ACOT1: variants seen among roughly 807,000 people sequenced by gnomAD.
The protein encoded by ACOT1 is acyl-coenzyme A thioesterase 1.
In ACOT1, 8 loss-of-function variants were observed where a neutral mutation model predicts 15.7. The observed-to-expected ratio is 0.51, with a 90% CI of 0.30 to 0.92. The LOEUF (loss-of-function observed/expected upper bound fraction) is 0.92. Among genes scored for constraint, ACOT1 ranks in the 40% least tolerant of loss-of-function variants. The probability of loss-of-function intolerance (pLI) is 0.06; values close to 1 mark genes in which losing one functional copy is unlikely to be tolerated. For missense variants in ACOT1, 151 were observed against 539.4 expected (o/e 0.28, Z 7.13); for synonymous variants, 67 against 241.2 (o/e 0.28, Z 6.69).
At chr14:73,499,307 C>T in the ACOT1 span, among the ~76,000 whole-genome samples, 2 of 152,078 alleles carry the variant, frequency 1.3e-5, no homozygotes, top group Non-Finnish European at 2.9e-5. Flanking sequence ...ATGGTGAAAC[C>T]CTGTCTCTAC....
At chr14:73,522,629 A>C in the ACOT1 span, 9 of 1,614,176 alleles carry the variant, frequency 5.6e-6, no homozygotes, top group East Asian at 2.0e-4. Flanking sequence ...TGGCCGACCC[A>C]GCATATCTGG....
rs1214355680 is a variant in ACOT1, at chr14:73,537,805, C to T, written c.384C>T (p.Tyr128=). The change falls in exon 1 of 3, where the codon TAC becomes TAT. Residue 128 remains tyrosine, a synonymous_variant. Coordinates refer to ENST00000311148, the MANE Select transcript of ACOT1 (RefSeq NM_001037161.2). ...RLLCRVRHER[Y]FLPPGVRREP... ...TGTGCCGGGTGCGGCACGAGCGCTA[C>T]TTCCTCCCGCCCGGGGTGCGGCGCG... is the stretch of plus-strand genomic sequence containing the variant. 2 of 1,218,470 alleles carry T rather than the reference C, an allele frequency of 1.6e-6. 1 individual carries two copies. The highest frequency in any genetic ancestry group is 2.2e-6 in the Non-Finnish European group (2 of 927,052). 75.5% of individuals were successfully genotyped at this position (1,218,470 alleles called of 1,614,324 possible).
At chr14:73,508,276 C>G in the ACOT1 span, 1 of 1,613,840 alleles carries the variant, frequency 6.2e-7, no homozygotes, top group Admixed American at 1.7e-5. Context: ...AGCTGCAGCC[C>G]AGCTATCCAC....
chr14:73,516,815 C>T, the ACOT1 span, among the ~76,000 whole-genome samples: 1 of 152,178 alleles, frequency 6.6e-6, no homozygotes, highest in Non-Finnish European at 1.5e-5. Context: ...TGTGAGGGGT[C>T]TAGGCTGCGC....
chr14:73,492,629 G>A, the ACOT1 span: 6 of 1,613,918 alleles, frequency 3.7e-6, no homozygotes, highest in South Asian at 5.5e-5. The surrounding 1 kb of genome is among the most constrained non-coding windows in gnomAD (Gnocchi z 4.9). Context: ...ACCTGTAAAC[G>A]TGGGGGCCCA....
chr14:73,504,533 T>A, the ACOT1 span, among the ~76,000 whole-genome samples: 4 of 152,286 alleles, frequency 2.6e-5, no homozygotes, highest in East Asian at 3.9e-4. Flanking sequence ...CGAGCCACTG[T>A]GCCCGGCCGA....
At chr14:73,515,584 G>A in the ACOT1 span, among the ~76,000 whole-genome samples, 1 of 140,876 alleles carries the variant, frequency 7.1e-6, no homozygotes, top group Admixed American at 8.1e-5. Context: ...GGATGCTGAA[G>A]CAGAAGAATC....
chr14:73,508,039 C>G, the ACOT1 span: 1 of 1,215,682 alleles, frequency 8.2e-7, no homozygotes, highest in Non-Finnish European at 1.2e-6. Flanking sequence ...AGCCACTGCC[C>G]CGGCCCCAGC....
chr14:73,517,885 A>G, the ACOT1 span, among the ~76,000 whole-genome samples: 3 of 151,408 alleles, frequency 2.0e-5, no homozygotes, highest in Admixed American at 6.6e-5. Context: ...TCAAGAGATC[A>G]AGACCATCCT....
At chr14:73,513,953 A>G in the ACOT1 span, 2 of 1,441,036 alleles carry the variant, frequency 1.4e-6, no homozygotes, top group Non-Finnish European at 1.9e-6. Context: ...TGGATTTTTC[A>G]AAGACTGAGA....
intron 2 of ACOT1, among the ~76,000 whole-genome samples, chr14:73,542,424 A>T (rs1889118755): frequency 1.1e-5 from 1 of 94,324 alleles, no homozygotes; most frequent in Non-Finnish European, 2.1e-5. Context: ...TTTTTTTTTA[A>T]GACGGAGTCT....
the ACOT1 span, chr14:73,493,369 A>G: frequency 1.4e-5 from 6 of 437,742 alleles, no homozygotes; most frequent in African/African-American, 1.0e-4. Context: ...AACCTTAGAA[A>G]AGTTATTAAA....
At chr14:73,524,362 T>C in the ACOT1 span, among the ~76,000 whole-genome samples, 1 of 142,586 alleles carries the variant, frequency 7.0e-6, no homozygotes, top group South Asian at 2.2e-4. Context: ...TTTTATCAAA[T>C]AGGTAAATGG....
At chr14:73,518,437 A>G in the ACOT1 span, among the ~76,000 whole-genome samples, 1 of 151,810 alleles carries the variant, frequency 6.6e-6, no homozygotes, top group Non-Finnish European at 1.5e-5. Context: ...GGAATGGGTG[A>G]CAACTGCTGT....
At chr14:73,498,987 T>G in the ACOT1 span, 3 of 1,128,222 alleles carry the variant, frequency 2.7e-6, no homozygotes, top group Non-Finnish European at 1.4e-6. Flanking sequence ...CTTCACCCCA[T>G]TAGAGAGTTT....
chr14:73,491,071 C>T, the ACOT1 span: 3 of 1,595,396 alleles, frequency 1.9e-6, no homozygotes, highest in Middle Eastern at 1.7e-4. Context: ...GGCCGAAGCG[C>T]CGGCGCAAGC....
At chr14:73,493,140 A>G in the ACOT1 span, 1 of 1,611,100 alleles carries the variant, frequency 6.2e-7, no homozygotes, top group East Asian at 2.2e-5. Flanking sequence ...TACAAAAGGA[A>G]AAGGAGAAGT....
the ACOT1 span, among the ~76,000 whole-genome samples, chr14:73,506,265 A>T: frequency 6.6e-6 from 1 of 152,150 alleles, no homozygotes; most frequent in African/African-American, 2.4e-5. Context: ...TTTATGGACC[A>T]CCAGTGCACT....
the ACOT1 span, among the ~76,000 whole-genome samples, chr14:73,524,662 C>T: frequency 4.7e-5 from 7 of 149,728 alleles, no homozygotes; most frequent in South Asian, 1.5e-3. Flanking sequence ...GGTTTCAAAT[C>T]TAGCCTACTA....
Sources: gnomAD v4.1 joint callset for allele counts (sites outside exome capture counted in the v4.1 genomes callset) on GRCh38, gnomAD v4.1.1 for gene constraint, Gnocchi (gnomAD v3.1) non-coding constraint, MANE v1.5 for transcripts, NCBI Gene and HGNC (gene_info 2026-07-23, HGNC 2026-07-21) for gene names.